Variants in TCF12 observed in about 807,000 individuals in gnomAD.
The protein encoded by TCF12 is DNA-binding protein HTF4.
Under a neutral mutation model 86.0 loss-of-function variants are expected in TCF12, and 45 were observed. That is an observed-to-expected ratio of 0.52 (90% CI 0.41 to 0.67). The LOEUF (loss-of-function observed/expected upper bound fraction) is 0.67, where lower values mean the gene tolerates loss of function less well. Among genes scored for constraint, TCF12 ranks in the 30% least tolerant of loss-of-function variants. The probability of loss-of-function intolerance (pLI) is 0.00; values close to 1 mark genes in which losing one functional copy is unlikely to be tolerated. For missense variants in TCF12, 881 were observed against 859.9 expected (o/e 1.02, Z -0.31); for synonymous variants, 330 against 299.6 (o/e 1.10, Z -1.05).
rs190739722 is a variant in TCF12, at chr15:57,066,931, G to A, written c.222+3108G>A. 5.3e-5 allele frequency among the ~76,000 whole-genome samples: 8 copies of A among 152,268 alleles called. No individual in the cohort carries two copies. In the East Asian group the frequency reaches 1.5e-3, roughly 29 times the overall value. On this transcript the variant is annotated intron_variant, in intron 4 of 20. Transcript: ENST00000333725. ...TGCTATGTACACTATTTGCCTTACAGGGTCCTGACTTTAATTGTAAGATAC... is the reference window on the plus strand; with the variant it reads ...TGCTATGTACACTATTTGCCTTACAAGGTCCTGACTTTAATTGTAAGATAC...
rs1297196092 is a variant in TCF12 at position 57,166,390 on chromosome 15, T to C, written c.326-12T>C. 6.2e-7 allele frequency: 1 copy of C among 1,608,570 alleles called. No homozygotes were observed. Among genetic ancestry groups the C allele is most frequent in the East Asian group, 2.2e-5 (1 of 44,732 alleles). On this transcript the variant is annotated splice_polypyrimidine_tract_variant and intron_variant, in intron 5 of 20. Coordinates refer to ENST00000333725, the MANE Select transcript of TCF12 (RefSeq NM_207037.2). The stretch of plus-strand genomic sequence containing the variant: ...AAGGGTTTTATATAAAGTTAATTTC[T>C]TTGTTTTATAGGAAAAACATCAGAG...
chr15:57,174,261 T>C (rs2055747243), intron 6 of TCF12, among the ~76,000 whole-genome samples: 1 of 152,154 alleles, frequency 6.6e-6, no homozygotes, highest in Admixed American at 6.6e-5. Flanking sequence ...TGGTTTAAGA[T>C]TTGAAAATCC....
At chr15:57,160,390 G>A (rs768765691) in intron 5 of TCF12, among the ~76,000 whole-genome samples, 1 of 152,110 alleles carries the variant, frequency 6.6e-6, no homozygotes, top group Non-Finnish European at 1.5e-5. Flanking sequence ...GGACAGCATG[G>A]AGGTAACCAC....
chr15:57,116,226 T>C (rs1427369060), intron 5 of TCF12, among the ~76,000 whole-genome samples: 1 of 152,242 alleles, frequency 6.6e-6, no homozygotes, highest in Non-Finnish European at 1.5e-5. Flanking sequence ...CCCTGGGTCC[T>C]ACATATACAC....
chr15:57,046,562 C>T (rs986610605), intron 3 of TCF12, among the ~76,000 whole-genome samples: 7 of 152,164 alleles, frequency 4.6e-5, no homozygotes, highest in Non-Finnish European at 1.0e-4. Context: ...CCTGCCTCAG[C>T]TTCCTGAGTA....
chr15:57,200,078 C>T (rs1485134445), intron 8 of TCF12, among the ~76,000 whole-genome samples: 7 of 143,304 alleles, frequency 4.9e-5, no homozygotes, highest in Non-Finnish European at 7.5e-5. Flanking sequence ...ACGAGGAGGT[C>T]TCTGTCCAGG....
intron 8 of TCF12, among the ~76,000 whole-genome samples, chr15:57,199,563 A>G (rs1267421604): frequency 6.6e-6 from 1 of 152,202 alleles, no homozygotes; most frequent in East Asian, 1.9e-4. Flanking sequence ...AATGGACAGA[A>G]CAGTCTGGAA....
chr15:57,118,946 CT>C lies in TCF12; in HGVS notation c.325+27063del, dbSNP rs111271361. Among the ~76,000 whole-genome samples the C allele has an allele frequency of 2.4e-4, 36 of 151,790 alleles. No homozygotes were observed. In the East Asian group the frequency reaches 3.9e-3, roughly 16 times the overall value. On this transcript the variant is annotated intron_variant, in intron 5 of 20. Transcript: ENST00000333725. The stretch of plus-strand genomic sequence containing the variant: ...GATTTTCAAAGCTAACATTTTTTTC[CT>C]TTTTTTTCCCCCAAAGGATATAATG...
At chr15:57,232,680 A>C in intron 10 of TCF12, 32 bp from the exon 11 acceptor site, 1 of 1,594,550 alleles carries the variant, frequency 6.3e-7, no homozygotes. Context: ...TTCAGAAAAT[A>C]TATTTAATAG....
intron 5 of TCF12, among the ~76,000 whole-genome samples, chr15:57,097,283 C>T (rs1284873292): frequency 2.0e-5 from 3 of 152,026 alleles, no homozygotes; most frequent in Non-Finnish European, 4.4e-5. Flanking sequence ...CTCACATTCC[C>T]AGCACTTTGG....
intron 6 of TCF12, among the ~76,000 whole-genome samples, chr15:57,172,969 C>G (rs546508038): frequency 6.6e-6 from 1 of 150,954 alleles, no homozygotes; most frequent in Non-Finnish European, 1.5e-5. Flanking sequence ...GAAAACTAGT[C>G]AGGTGTGGTG....
chr15:56,948,606 A>G (rs779715336), intron 3 of TCF12, among the ~76,000 whole-genome samples: 8 of 152,212 alleles, frequency 5.3e-5, no homozygotes, highest in Non-Finnish European at 7.3e-5. Flanking sequence ...GTTTCGAGTG[A>G]GTTGAAGAAA....
chr15:57,246,201 C>T (rs1294771007), intron 13 of TCF12, among the ~76,000 whole-genome samples: 1 of 152,104 alleles, frequency 6.6e-6, no homozygotes, highest in African/African-American at 2.4e-5. Flanking sequence ...AGACTTAGCA[C>T]AGGTCTTTTA....
At chr15:57,218,965 T>G (rs2058451284) in intron 8 of TCF12, 1 of 926,000 alleles carries the variant, frequency 1.1e-6, no homozygotes, top group Non-Finnish European at 1.3e-6. Flanking sequence ...ACTGTCTAGA[T>G]CCTTCTTGTT....
At chr15:57,091,953 A>ATCCCT in intron 5 of TCF12, 62 bp downstream of exon 5, 1 of 1,425,464 alleles carries the variant, frequency 7.0e-7, no homozygotes, top group Non-Finnish European at 9.9e-7. Context: ...GACATTTTTT[A>ATCCCT]TCCCTTTGTC....
intron 3 of TCF12, among the ~76,000 whole-genome samples, chr15:56,945,194 C>T (rs1312095683): frequency 2.0e-5 from 3 of 152,122 alleles, no homozygotes; most frequent in Admixed American, 1.3e-4. Context: ...AAATTATTCA[C>T]AATATTCCAT....
At chr15:57,158,431 A>C (rs763145237) in intron 5 of TCF12, among the ~76,000 whole-genome samples, 5 of 152,040 alleles carry the variant, frequency 3.3e-5, no homozygotes, top group African/African-American at 4.8e-5. Flanking sequence ...CCACAGCCTC[A>C]GCCTCTCAAA....
chr15:57,154,235 G>A (rs560132662), intron 5 of TCF12, among the ~76,000 whole-genome samples: 3 of 152,036 alleles, frequency 2.0e-5, no homozygotes, highest in Non-Finnish European at 2.9e-5. Context: ...TAGGGTCTTC[G>A]CTAGATGAAA....
At chr15:57,246,111 C>G (rs1053627346) in intron 13 of TCF12, among the ~76,000 whole-genome samples, 1 of 152,082 alleles carries the variant, frequency 6.6e-6, no homozygotes, top group East Asian at 1.9e-4. Flanking sequence ...GGCCTGTTAT[C>G]TAGAGTAAAA....
Sources: allele counts gnomAD v4.1 joint callset (sites outside exome capture counted in the v4.1 genomes callset), GRCh38; gene constraint gnomAD v4.1.1; transcripts MANE v1.5; gene names NCBI Gene and HGNC (gene_info 2026-07-23, HGNC 2026-07-21).